Variants in FAM118A observed in about 807,000 individuals in gnomAD.
The protein encoded by FAM118A is SIR2 antiphage like 2.
Under a neutral mutation model 38.2 loss-of-function variants are expected in FAM118A, and 25 were observed. That is an observed-to-expected ratio of 0.65 (90% CI 0.48 to 0.91). FAM118A has a LOEUF of 0.91. FAM118A is among the 40% of genes least tolerant of loss of function. The probability of loss-of-function intolerance (pLI) is 0.00; values close to 1 mark genes in which losing one functional copy is unlikely to be tolerated. For missense variants in FAM118A, 425 were observed against 463.3 expected (o/e 0.92, Z 0.76); for synonymous variants, 178 against 184.1 (o/e 0.97, Z 0.27).
At chr22:45,335,206 C>T (rs2146710457) in intron 6 of FAM118A, 144 bp from the exon 7 acceptor site, 6 of 788,094 alleles carry the variant, frequency 7.6e-6, no homozygotes, top group Admixed American at 2.3e-5. Flanking sequence ...CAGCGAGCAG[C>T]GCAGGAGTCC....
chr22:45,330,782 G>A (rs758912570), intron 5 of FAM118A, 51 bp downstream of exon 5: 2 of 1,454,446 alleles, frequency 1.4e-6, no homozygotes, highest in Non-Finnish European at 9.1e-7. Context: ...GATTACTGGT[G>A]GCCACTGGCC....
intron 6 of FAM118A, among the ~76,000 whole-genome samples, chr22:45,333,726 A>G (rs2085891836): frequency 6.6e-6 from 1 of 150,886 alleles, no homozygotes; most frequent in Non-Finnish European, 1.5e-5. Flanking sequence ...CTGTGATACC[A>G]GCTACTCTGG....
At chr22:45,339,409 A>AAAT (rs947420224) in intron 8 of FAM118A, among the ~76,000 whole-genome samples, 4 of 152,166 alleles carry the variant, frequency 2.6e-5, no homozygotes, top group East Asian at 1.9e-4. Context: ...AAAAAAGATA[A>AAAT]AATAATAATA....
At chr22:45,333,548 C>G (rs914895247) in intron 6 of FAM118A, among the ~76,000 whole-genome samples, 1 of 151,960 alleles carries the variant, frequency 6.6e-6, no homozygotes, top group Admixed American at 6.6e-5. Flanking sequence ...GTGGCGGGCA[C>G]CTGTAGTCCC....
intron 5 of FAM118A, among the ~76,000 whole-genome samples, chr22:45,330,965 G>A (rs150212593): frequency 6.6e-6 from 1 of 152,200 alleles, no homozygotes; most frequent in Non-Finnish European, 1.5e-5. Context: ...TTGGAGGAAG[G>A]AATTCATGAT....
In FAM118A at chr22:45,322,397, G is replaced by A; in HGVS notation, c.18G>A (p.Lys6=). 1 of 1,611,162 alleles carries A rather than the reference G, an allele frequency of 6.2e-7. No individual in the cohort carries two copies. Among genetic ancestry groups the A allele is most frequent in the Non-Finnish European group, 8.5e-7 (1 of 1,179,328 alleles). The part of the protein sequence containing the change: MDSVE[K]TTNRSEQKSR... The stretch of plus-strand genomic sequence containing the variant: ...ATTCACAGATGGATTCAGTGGAAAA[G>A]ACAACAAATAGAAGTGAACAAAAAT... The change falls in exon 2 of 9, where the codon AAG becomes AAA. Residue 6 remains lysine (K), a synonymous_variant. Coordinates refer to ENST00000441876, the MANE Select transcript of FAM118A (RefSeq NM_017911.4).
At chr22:45,336,507 T>C in intron 8 of FAM118A, 96 bp downstream of exon 8, 2 of 913,908 alleles carry the variant, frequency 2.2e-6, no homozygotes, top group South Asian at 3.0e-5. Context: ...CCCCGCGCCC[T>C]ATGGTGGGAG....
chr22:45,323,308 G>A lies in FAM118A; in HGVS notation c.181G>A (p.Glu61Lys), dbSNP rs775731978. 4 of 1,614,138 alleles carry A rather than the reference G, an allele frequency of 2.5e-6. No individual in the cohort carries two copies. The highest frequency in any genetic ancestry group is 4.5e-5 in the East Asian group (2 of 44,890). ...GAGAAGCTGCATCGAGGCCGTCATC[G>A]AGGCTGCAGAGCAGCTGGAGGTGCT... ...SWRSCIEAVI[E>K]AAEQLEVLHP... The change falls in exon 3 of 9, where the codon GAG (glutamate) becomes AAG (lysine). Residue 61 changes from glutamate (E) to lysine (K), a missense_variant. Physicochemically the swap from Glu to Lys is moderately conservative, Grantham distance 56 (BLOSUM62 1). Transcript: ENST00000441876.
chr22:45,340,290 C>T, intron 8 of FAM118A, 96 bp from the exon 9 acceptor site: 2 of 1,460,124 alleles, frequency 1.4e-6, no homozygotes, highest in South Asian at 2.3e-5. Flanking sequence ...TACATAAGAA[C>T]AATTGTAAAG....
chr22:45,334,214 T>C (rs1452830185), intron 6 of FAM118A, among the ~76,000 whole-genome samples: 3 of 152,180 alleles, frequency 2.0e-5, no homozygotes, highest in Non-Finnish European at 2.9e-5. Flanking sequence ...CATCTTGATA[T>C]AAGGGAATTA....
At chr22:45,311,113 A>G (rs6007583) in intron 1 of FAM118A, among the ~76,000 whole-genome samples, 22,719 of 151,940 alleles carry the variant, frequency 0.15, 1,929 homozygotes, top group East Asian at 0.32. Flanking sequence ...GGTGGGTGTT[A>G]AGGAGGGCGT....
intron 4 of FAM118A, chr22:45,328,761 GAGTGAGACC>G: frequency 2.6e-6 from 1 of 379,642 alleles, no homozygotes; most frequent in Non-Finnish European, 4.9e-6. Context: ...CTGGGCAAGA[GAGTGAGACC>G]CTGTCTCAAA....
At chr22:45,315,198 A>G (rs1022311925) in intron 1 of FAM118A, among the ~76,000 whole-genome samples, 4 of 152,312 alleles carry the variant, frequency 2.6e-5, no homozygotes, top group Non-Finnish European at 4.4e-5. Flanking sequence ...GTATACGTCC[A>G]AGCAGCTCTG....
At chr22:45,322,117 C>T (rs1221100863) in intron 1 of FAM118A, 32 of 1,313,280 alleles carry the variant, frequency 2.4e-5, no homozygotes, top group Non-Finnish European at 3.1e-5. Flanking sequence ...CCTGTGTGTG[C>T]GTTTTCCTTC....
chr22:45,310,485 T>C (rs1019797863), intron 1 of FAM118A, among the ~76,000 whole-genome samples: 1 of 152,036 alleles, frequency 6.6e-6, no homozygotes, highest in East Asian at 1.9e-4. Context: ...AGCAACCTCC[T>C]CAGAAGCCCC....
At chr22:45,337,900 C>T (rs964750129) in intron 8 of FAM118A, 2 of 985,312 alleles carry the variant, frequency 2.0e-6, no homozygotes, top group Non-Finnish European at 2.4e-6. Flanking sequence ...TTCCCCCGGA[C>T]TCCACTGTCT....
At chr22:45,327,665 C>T (rs1006793083) in intron 3 of FAM118A, among the ~76,000 whole-genome samples, 177 bp from the exon 4 acceptor site, 3 of 152,222 alleles carry the variant, frequency 2.0e-5, no homozygotes, top group Admixed American at 6.5e-5. Context: ...TCACCGGTGG[C>T]GTGCTACACG....
intron 1 of FAM118A, among the ~76,000 whole-genome samples, chr22:45,319,205 T>C (rs568136175): frequency 1.3e-5 from 2 of 152,344 alleles, no homozygotes; most frequent in Admixed American, 1.3e-4. Flanking sequence ...GGTAACAGTT[T>C]TAGGCATGTG....
intron 1 of FAM118A, among the ~76,000 whole-genome samples, chr22:45,316,283 G>A (rs1257821641): frequency 1.3e-5 from 2 of 152,042 alleles, no homozygotes; most frequent in African/African-American, 4.8e-5. Flanking sequence ...TAGGTGATCC[G>A]GCCGCCTCGG....
Sources: allele counts gnomAD v4.1 joint callset (sites outside exome capture counted in the v4.1 genomes callset), GRCh38; gene constraint gnomAD v4.1.1; transcripts MANE v1.5; gene names NCBI Gene and HGNC (gene_info 2026-07-23, HGNC 2026-07-21).